AAK1: variants seen among roughly 807,000 people sequenced by gnomAD.
AAK1 encodes the protein AP2 associated kinase 1.
In AAK1, 37 loss-of-function variants were observed where a neutral mutation model predicts 116.0. The observed-to-expected ratio is 0.32, with a 90% confidence interval of 0.25 to 0.42. The LOEUF is 0.42. Ranked by LOEUF, AAK1 falls within the 10% of genes least tolerant of loss-of-function variation. The pLI is 1.00. For synonymous variants in AAK1, 458 were observed against 439.9 expected (o/e 1.04, Z -0.51); for missense variants, 919 against 1,170.6 (o/e 0.79, Z 3.14).
chr2:69,609,085 G>A (rs1673942805), intron 2 of AAK1, among the ~76,000 whole-genome samples: 1 of 152,206 alleles, frequency 6.6e-6, no homozygotes, highest in Admixed American at 6.5e-5. Flanking sequence ...AAATAGGCTG[G>A]GCACAGTGGC....
At chr2:69,566,238 T>C (rs1671860828) in intron 2 of AAK1, among the ~76,000 whole-genome samples, 1 of 152,132 alleles carries the variant, frequency 6.6e-6, no homozygotes, top group African/African-American at 2.4e-5. Context: ...TTCAAAACTC[T>C]AGAACAGATG....
At chr2:69,485,624 G>C (rs961705499) in intron 17 of AAK1, among the ~76,000 whole-genome samples, 2 of 152,028 alleles carry the variant, frequency 1.3e-5, no homozygotes, top group African/African-American at 2.4e-5. Context: ...GCTTGACTGG[G>C]GAGGTGGAAA....
chr2:69,638,986 A>C (rs529179840), intron 2 of AAK1, among the ~76,000 whole-genome samples: 1 of 152,348 alleles, frequency 6.6e-6, no homozygotes, highest in East Asian at 1.9e-4. Context: ...GATACCACCA[A>C]CATATTATGT....
At position 69,459,872 on chromosome 2, in the gene AAK1, G is replaced by A. The variant is rs1674297879; in HGVS notation, c.*15997C>T. 1 of 152,024 alleles carries A rather than the reference G, an allele frequency of 6.6e-6. No individual in the cohort carries two copies. The highest frequency in any genetic ancestry group is 1.5e-5 in the Non-Finnish European group (1 of 67,990). 9.4% of individuals were successfully genotyped at this position (152,024 alleles called of 1,614,324 possible). On this transcript the variant is annotated 3_prime_UTR_variant, in exon 22 of 22. Coordinates refer to ENST00000409085, the MANE Select transcript of AAK1 (RefSeq NM_014911.5). ...GATGTTTTCAGTAACAAACTTGCAA[G>A]TGTTCTTGGTGGTTAAAAAACAAAA...
At chr2:69,477,012 A>T in intron 20 of AAK1, 22 bp from the exon 21 acceptor site, 2 of 1,522,862 alleles carry the variant, frequency 1.3e-6, no homozygotes, top group Non-Finnish European at 9.0e-7. Flanking sequence ...ATGCAAGTAC[A>T]CAAGCAGAAA....
Position 69,514,629 on chromosome 2 carries a change from G to GC in AAK1, c.1617_1618insG (p.Gln540AlafsTer99). 6 of 1,475,932 alleles carry GC rather than the reference G, an allele frequency of 4.1e-6. No homozygotes were observed. Among genetic ancestry groups the GC allele is most frequent in the Non-Finnish European group, 5.6e-6 (6 of 1,068,348 alleles). 91.4% of individuals were successfully genotyped at this position (1,475,932 alleles called of 1,614,324 possible). ...GCCAGCTGTTGCTGTTGCTGTTGTT[G>GC]TTGCTGCTGCTGCTGCTGCTGGTAG... On this transcript the variant is annotated frameshift_variant, in exon 13 of 22. Coordinates refer to ENST00000409085, the MANE Select transcript of AAK1 (RefSeq NM_014911.5). LOFTEE classifies it high-confidence loss of function.
At chr2:69,574,438 G>T (rs1052794258) in intron 2 of AAK1, among the ~76,000 whole-genome samples, 2 of 150,788 alleles carry the variant, frequency 1.3e-5, no homozygotes, top group Non-Finnish European at 3.0e-5. Flanking sequence ...TGGGCATGGT[G>T]GTGTATGCCT....
At chr2:69,623,048 A>G (rs554925875) in intron 2 of AAK1, among the ~76,000 whole-genome samples, 2 of 152,212 alleles carry the variant, frequency 1.3e-5, no homozygotes, top group South Asian at 4.1e-4. Flanking sequence ...ACACCGTGGA[A>G]GCTTTGTTCT....
At chr2:69,563,226 G>T (rs1282427162) in intron 2 of AAK1, among the ~76,000 whole-genome samples, 2 of 152,242 alleles carry the variant, frequency 1.3e-5, no homozygotes, top group South Asian at 2.1e-4. Context: ...AGTCCCAGGG[G>T]CTGTTCTGAA....
chr2:69,470,207 A>T lies in AAK1; in HGVS notation c.*5662T>A. The T allele has an allele frequency of 2.0e-6, 2 of 985,448 alleles. No individual in the cohort carries two copies. The highest frequency in any genetic ancestry group is 2.4e-6 in the Non-Finnish European group (2 of 829,936). 61.0% of individuals were successfully genotyped at this position (985,448 alleles called of 1,614,324 possible). ...AAAGAACGGTTACAGGGAGTATCAA[A>T]GATATGATTCTTGCCAAAAACAGAA... On this transcript the variant is annotated 3_prime_UTR_variant, in exon 22 of 22. Coordinates refer to ENST00000409085, the MANE Select transcript of AAK1 (RefSeq NM_014911.5).
chr2:69,525,138 C>A (rs1282562868), intron 9 of AAK1, 26 bp from the exon 10 acceptor site: 4 of 1,608,146 alleles, frequency 2.5e-6, no homozygotes, highest in Non-Finnish European at 3.4e-6. Flanking sequence ...CAAAACAGAA[C>A]AAAACAAAAG....
Position 69,514,647 on chromosome 2 carries a change from G to C in AAK1, c.1600C>G (p.Gln534Glu), listed in dbSNP as rs1242653082. ...TGTTGTTGTTGCTGCTGCTGCTGCTGCTGGTAGAAATTCTGCATTAGCTGC... is the reference window on the plus strand; with the variant it reads ...TGTTGTTGTTGCTGCTGCTGCTGCTCCTGGTAGAAATTCTGCATTAGCTGC... The part of the protein sequence containing the change: ...QQQLMQNFYQ[Q>E]QQQQQQQQQQ... The change falls in exon 13 of 22, where the codon CAG becomes GAG. Residue 534 changes from glutamine to glutamate, a missense_variant. Around this residue, in one of 4 missense-constraint regions of AAK1, gnomAD observed 214 missense variants for 210.6 expected, o/e 1.02. Transcript: ENST00000409085. The C allele has an allele frequency of 2.6e-5, 42 of 1,612,024 alleles. 2 individuals carry two copies. In the Admixed American group the frequency reaches 5.5e-4, roughly 21 times the overall value.
At chr2:69,534,216 T>C (rs1670369701) in intron 5 of AAK1, among the ~76,000 whole-genome samples, 1 of 152,188 alleles carries the variant, frequency 6.6e-6, no homozygotes, top group Non-Finnish European at 1.5e-5. Flanking sequence ...AGTGATTAAG[T>C]CACTTGCTAA....
At position 69,594,609 on chromosome 2, in the gene AAK1, C is replaced by T. The variant is rs115843965; in HGVS notation, c.164-37631G>A. The T allele has an allele frequency of 5.5e-4, 270 of 494,978 alleles. 2 individuals are homozygous for T. The highest frequency in any genetic ancestry group is 4.8e-3 in the African/African-American group (244 of 51,156). 30.7% of individuals were successfully genotyped at this position (494,978 alleles called of 1,614,324 possible). A position where few individuals can be genotyped will look rare whatever the true frequency, so the allele number is the denominator to read the frequency against. On this transcript the variant is annotated intron_variant, in intron 2 of 21. Coordinates refer to ENST00000409085, the MANE Select transcript of AAK1 (RefSeq NM_014911.5). ...ACTACTATGTCTAATTACCACAGGC[C>T]GAAAGTGAGGCCTCTTGTACCAAAC...
In AAK1 at chr2:69,600,363, G is replaced by A. The variant is rs573485928; in HGVS notation, c.163+42515C>T. Among the ~76,000 whole-genome samples the A allele has an allele frequency of 2.7e-5, 4 of 150,638 alleles. No individual in the cohort carries two copies. The East Asian group carries it at 5.8e-4, about 22-fold the overall frequency. ...AAAAAGGAAAAAGGAAAAAAAAATC[G>A]TGATTCATGAGAAGAAGTCAAAATA... On this transcript the variant is annotated intron_variant, in intron 2 of 21. Coordinates refer to ENST00000409085, the MANE Select transcript of AAK1 (RefSeq NM_014911.5).
At chr2:69,524,972 C>T in intron 10 of AAK1, 61 bp downstream of exon 10, 3 of 1,466,012 alleles carry the variant, frequency 2.0e-6, no homozygotes, top group South Asian at 1.1e-5. Context: ...GAAACACAGG[C>T]ATCATTCCCT....
intron 2 of AAK1, among the ~76,000 whole-genome samples, chr2:69,632,860 C>T (rs1203217869): frequency 2.0e-5 from 3 of 151,914 alleles, no homozygotes; most frequent in African/African-American, 7.3e-5. Context: ...GGTGAAACCC[C>T]GTCTCTACTA....
chr2:69,465,280 G>A lies in AAK1; in HGVS notation c.*10589C>T. The A allele has an allele frequency of 1.5e-6, 1 of 680,484 alleles. No homozygotes were observed. The highest frequency in any genetic ancestry group is 2.0e-5 in the South Asian group (1 of 51,146). The allele number at this position is 680,484 out of a possible 1,614,324, so 42.2% of individuals were successfully genotyped here. On this transcript the variant is annotated 3_prime_UTR_variant, in exon 22 of 22. Coordinates refer to ENST00000409085, the MANE Select transcript of AAK1 (RefSeq NM_014911.5). ...ACTAAATATCACTGCAACTGAGTTTGTTGACTCAAGAAATTCTGCTCTGAC... is the reference window on the plus strand; with the variant it reads ...ACTAAATATCACTGCAACTGAGTTTATTGACTCAAGAAATTCTGCTCTGAC...
chr2:69,602,053 C>G (rs1355629273), intron 2 of AAK1, among the ~76,000 whole-genome samples: 6 of 152,152 alleles, frequency 3.9e-5, no homozygotes, highest in Admixed American at 3.9e-4. Context: ...TACCTTAAAT[C>G]TAAGCACAGG....
Sources: allele counts gnomAD v4.1 joint callset (sites outside exome capture counted in the v4.1 genomes callset), GRCh38; gene constraint gnomAD v4.1.1; regional missense constraint gnomAD v4.1.1; transcripts MANE v1.5; gene names NCBI Gene and HGNC (gene_info 2026-07-23, HGNC 2026-07-21).